PBRM1: variants seen among roughly 807,000 people sequenced by gnomAD.
PBRM1 encodes polybromo 1.
Under a neutral mutation model 194.5 loss-of-function variants are expected in PBRM1, and 27 were observed. The ratio of observed to expected loss-of-function variants is 0.14; its 90% CI spans 0.10 to 0.19. The LOEUF (loss-of-function observed/expected upper bound fraction) is 0.19, where lower values mean the gene tolerates loss of function less well. Among genes scored for constraint, PBRM1 ranks in the 10% least tolerant of loss-of-function variants. The pLI, the probability that PBRM1 is intolerant of heterozygous loss-of-function variation, is 1.00. For missense variants in PBRM1, 1,466 were observed against 2,077.2 expected (o/e 0.71, Z 5.72); for synonymous variants, 655 against 693.2 (o/e 0.94, Z 0.87).
At chr3:52,564,359 G>C (rs1042664132) in intron 22 of PBRM1, 126 bp from the exon 25 acceptor site, 1 of 717,440 alleles carries the variant, frequency 1.4e-6, no homozygotes, top group Non-Finnish European at 2.3e-6. Flanking sequence ...ATATGAAAGG[G>C]GCTAGGCATG....
At chr3:52,641,262 T>G (rs2096067052) in intron 10 of PBRM1, among the ~76,000 whole-genome samples, 1 of 151,454 alleles carries the variant, frequency 6.6e-6, no homozygotes, top group South Asian at 2.1e-4. Flanking sequence ...GCCTGGCCAA[T>G]GTGGTAAAAC....
At chr3:52,588,679 C>T (rs916424613) in intron 18 of PBRM1, among the ~76,000 whole-genome samples, 3 of 151,692 alleles carry the variant, frequency 2.0e-5, no homozygotes, top group Non-Finnish European at 2.9e-5. Context: ...CTCAGCCTCC[C>T]GAGTAGCTGG....
rs753293537 is a variant in PBRM1 at position 52,662,115 on chromosome 3, T to C, written c.528+18A>G. 4 of 1,611,944 alleles carry C rather than the reference T, an allele frequency of 2.5e-6. No homozygotes were observed. Among genetic ancestry groups the C allele is most frequent in the Non-Finnish European group, 2.5e-6 (3 of 1,179,298 alleles). ...CTTCCAAGAGCCCATCCATCACAAGTTCCAGCTACACACTTACTCCTTCAG... is the reference window on the plus strand; with the variant it reads ...CTTCCAAGAGCCCATCCATCACAAGCTCCAGCTACACACTTACTCCTTCAG... On this transcript the variant is annotated intron_variant, in intron 4 of 29. Coordinates refer to ENST00000296302, the Ensembl canonical transcript of PBRM1.
chr3:52,661,531 GGGTA>G (rs1268807532), intron 4 of PBRM1, among the ~76,000 whole-genome samples: 12 of 152,082 alleles, frequency 7.9e-5, no homozygotes, highest in Admixed American at 1.3e-4. Context: ...TGACAGGGTG[GGGTA>G]GGGGCTGAAA....
exon 1 of PBRM1, chr3:52,685,800 C>T (rs10933): frequency 0.43 from 131,787 of 306,962 alleles, 30,991 homozygotes; most frequent in South Asian, 0.72. Context: ...CCGCCGCGCC[C>T]CGCCCCGTGG....
At chr3:52,573,073 A>C (rs899724999) in intron 22 of PBRM1, among the ~76,000 whole-genome samples, 6 of 152,136 alleles carry the variant, frequency 3.9e-5, no homozygotes, top group African/African-American at 1.4e-4. Flanking sequence ...TATTACTGGC[A>C]CCTCCTTTAA....
chr3:52,627,257 TAAG>T lies in PBRM1; in HGVS notation c.1541+13_1541+15del. 3 of 1,419,388 alleles carry T rather than the reference TAAG, an allele frequency of 2.1e-6. No homozygotes were observed. The highest frequency in any genetic ancestry group is 3.0e-6 in the Non-Finnish European group (3 of 1,004,662). 87.9% of individuals were successfully genotyped at this position (1,419,388 alleles called of 1,614,324 possible). On this transcript the variant is annotated intron_variant, in intron 13 of 29. Transcript: ENST00000296302. ...ACAGGAACTGAGATGTCCCCAGCTATAAGAAGAGTATATACCTTTTTCTTTTGG... is the reference window on the plus strand; with the variant it reads ...ACAGGAACTGAGATGTCCCCAGCTATAAGAGTATATACCTTTTTCTTTTGG...
At chr3:52,545,764 G>A (rs570565009), downstream of PBRM1, 19 of 232,904 alleles carry the variant, frequency 8.2e-5, no homozygotes, top group Non-Finnish European at 1.4e-4. Context: ...AAACATTTAG[G>A]CCATTATACT....
intron 5 of PBRM1, among the ~76,000 whole-genome samples, chr3:52,652,478 G>C (rs145838621): frequency 6.6e-6 from 1 of 150,508 alleles, no homozygotes; most frequent in African/African-American, 2.4e-5. Flanking sequence ...CACGAGGTCA[G>C]GAGATTGAGA....
At chr3:52,596,436 CAAAAAAAAAAAAAAAAAAAAAAAAAA>C (rs763007814) in intron 17 of PBRM1, among the ~76,000 whole-genome samples, 521 of 50,370 alleles carry the variant, frequency 0.01, 17 homozygotes, top group African/African-American at 0.039. Context: ...GACTCCGTCT[CAAAAAAAAAAAAAAAAAAAAAAAAAA>C]AAAAAAAAAA....
chr3:52,651,775 A>T (rs1188997414), exon 6 of PBRM1: 3 of 1,605,898 alleles, frequency 1.9e-6, no homozygotes, highest in African/African-American at 1.3e-5. Flanking sequence ...TGAGATCTAT[A>T]GGCTCCTTAA....
intron 11 of PBRM1, among the ~76,000 whole-genome samples, chr3:52,632,893 A>T (rs1253048040): frequency 6.6e-6 from 1 of 151,928 alleles, no homozygotes; most frequent in Non-Finnish European, 1.5e-5. Context: ...GGGGTTTCAC[A>T]ATGTTGGCCG....
upstream of PBRM1, among the ~76,000 whole-genome samples, chr3:52,680,199 G>T (rs2097179656): frequency 6.6e-6 from 1 of 152,182 alleles, no homozygotes; most frequent in African/African-American, 2.4e-5. Flanking sequence ...GGGCCATCAT[G>T]TGGAAAAGAG....
At chr3:52,563,950 C>G (rs2084349527) in intron 23 of PBRM1, 100 bp downstream of exon 25, 1 of 676,550 alleles carries the variant, frequency 1.5e-6, no homozygotes, top group African/African-American at 1.8e-5. Flanking sequence ...ATTTACTACT[C>G]TAGTTTAAGA....
chr3:52,661,132 T>C (rs927464513), intron 4 of PBRM1, among the ~76,000 whole-genome samples: 1 of 152,176 alleles, frequency 6.6e-6, no homozygotes, highest in African/African-American at 2.4e-5. Flanking sequence ...TTCAAGCGAT[T>C]ATCCTGCCTC....
chr3:52,562,016 T>G (rs757070979), intron 24 of PBRM1, 48 bp from the exon 27 acceptor site: 11 of 1,486,268 alleles, frequency 7.4e-6, no homozygotes, highest in Non-Finnish European at 1.0e-5. Context: ...TACATTTGGT[T>G]AACTGCTCAA....
At chr3:52,593,734 T>C (rs572754968) in intron 17 of PBRM1, among the ~76,000 whole-genome samples, 1 of 152,326 alleles carries the variant, frequency 6.6e-6, no homozygotes, top group South Asian at 2.1e-4. Flanking sequence ...TATAATTGTA[T>C]GGTTTTGAGT....
At chr3:52,632,335 A>G (rs1003870213) in intron 11 of PBRM1, among the ~76,000 whole-genome samples, 1 of 152,146 alleles carries the variant, frequency 6.6e-6, no homozygotes, top group Non-Finnish European at 1.5e-5. Context: ...TGGAATCCCA[A>G]TATTTTGGGA....
chr3:52,578,124 C>G (rs2090161576), intron 21 of PBRM1, among the ~76,000 whole-genome samples: 1 of 152,130 alleles, frequency 6.6e-6, no homozygotes, highest in Admixed American at 6.6e-5. Flanking sequence ...TCAGTTTCTT[C>G]AAGTGTTGGT....
Sources: allele counts gnomAD v4.1 joint callset (sites outside exome capture counted in the v4.1 genomes callset), GRCh38; gene constraint gnomAD v4.1.1; transcripts MANE v1.5; gene names NCBI Gene and HGNC (gene_info 2026-07-23, HGNC 2026-07-21).